The following RUNDC3B variants were observed in gnomAD, a reference collection of about 807,000 sequenced individuals.
RUNDC3B encodes RUN domain-containing protein 3B.
RUNDC3B carries 33 observed loss-of-function variants against 58.4 expected under a neutral mutation model. The observed-to-expected ratio is 0.56, with a 90% CI of 0.43 to 0.75. The LOEUF is 0.75. Ranked by LOEUF, RUNDC3B falls within the 30% of genes least tolerant of loss-of-function variation. RUNDC3B has a pLI of 0.00. For synonymous variants in RUNDC3B, 193 were observed against 195.2 expected (o/e 0.99, Z 0.10); for missense variants, 501 against 535.7 (o/e 0.94, Z 0.64).
rs983896419 is a variant in RUNDC3B, at chr7:87,804,000, C to T, written c.957-3373C>T. On this transcript the variant is annotated intron_variant, in intron 8 of 10. Transcript: ENST00000394654. ...GTGAATAAATATGAAACAAAGCTAC[C>T]GTTCCCAAGTAGCTTATAATCAAAG... Among the ~76,000 whole-genome samples the T allele has an allele frequency of 3.9e-5, 6 of 151,974 alleles. 1 individual carries two copies. Among genetic ancestry groups the T allele is most frequent in the South Asian group, 4.2e-4 (2 of 4,812 alleles).
At chr7:87,825,100 T>C (rs945091961) in intron 10 of RUNDC3B, among the ~76,000 whole-genome samples, 1 of 152,152 alleles carries the variant, frequency 6.6e-6, no homozygotes, top group African/African-American at 2.4e-5. Context: ...CGGGTGCCTG[T>C]AGTCCCAGCC....
At chr7:87,829,203 C>T (rs1363181549) in intron 10 of RUNDC3B, among the ~76,000 whole-genome samples, 1 of 152,108 alleles carries the variant, frequency 6.6e-6, no homozygotes, top group East Asian at 1.9e-4. Flanking sequence ...CTTATAGATT[C>T]TGGATATCAG....
At chr7:87,666,711 A>G (rs1290816848) in intron 2 of RUNDC3B, among the ~76,000 whole-genome samples, 1 of 152,146 alleles carries the variant, frequency 6.6e-6, no homozygotes, top group African/African-American at 2.4e-5. Context: ...ACATATGGCT[A>G]TCCAGTTTTC....
chr7:87,767,320 C>T (rs1299835389), intron 6 of RUNDC3B, among the ~76,000 whole-genome samples: 1 of 152,150 alleles, frequency 6.6e-6, no homozygotes, highest in Non-Finnish European at 1.5e-5. Context: ...TTTTGTGCTG[C>T]CAGAGTTCTT....
Position 87,677,437 on chromosome 7 carries a change from G to A in RUNDC3B, c.239-22984G>A, listed in dbSNP as rs190760965. Among the ~76,000 whole-genome samples the A allele has an allele frequency of 1.4e-3, 205 of 151,768 alleles. 1 individual carries two copies. Among genetic ancestry groups the A allele is most frequent in the Non-Finnish European group, 5.3e-4 (36 of 67,928 alleles). ...CAAGACACAGAAAGACAAATACCACGTGATCTCATGTATTAGATATGGAGC... is the reference window on the plus strand; with the variant it reads ...CAAGACACAGAAAGACAAATACCACATGATCTCATGTATTAGATATGGAGC... On this transcript the variant is annotated intron_variant, in intron 2 of 10. Transcript: ENST00000394654.
intron 6 of RUNDC3B, among the ~76,000 whole-genome samples, chr7:87,758,601 TATGTA>T (rs1314328019): frequency 1.3e-5 from 2 of 152,058 alleles, no homozygotes; most frequent in Non-Finnish European, 2.9e-5. Flanking sequence ...ATAACCAGAA[TATGTA>T]AAGAGTTCAA....
chr7:87,715,479 T>TA (rs1172174423), intron 4 of RUNDC3B, among the ~76,000 whole-genome samples: 4 of 135,188 alleles, frequency 3.0e-5, no homozygotes, highest in African/African-American at 8.3e-5. Flanking sequence ...TATATTAATA[T>TA]ATAAATAATA....
chr7:87,789,462 T>C lies in RUNDC3B; in HGVS notation c.956+11507T>C, dbSNP rs199498227. Among the ~76,000 whole-genome samples, 9 of 152,292 alleles carry C rather than the reference T, an allele frequency of 5.9e-5. 1 individual carries two copies. In the East Asian group the frequency reaches 1.7e-3, roughly 29 times the overall value. Reference sequence around the variant, plus strand: ...ACCATAAGTCAGTGATACTATGCCATTCTGATGCACAAGTTTAAGATGAGT... The same window carrying C: ...ACCATAAGTCAGTGATACTATGCCACTCTGATGCACAAGTTTAAGATGAGT... On this transcript the variant is annotated intron_variant, in intron 8 of 10. Coordinates refer to ENST00000394654, the MANE Select transcript of RUNDC3B (RefSeq NM_001134405.2).
Position 87,700,550 on chromosome 7 carries a change from C to G in RUNDC3B, c.368C>G (p.Ala123Gly). ...ENMENVSSSR[A>G]KGRAWIRVAL... ...ATGGAAAATGTCAGTTCTTCTAGAG[C>G]TAAGGTAAGACATTGGTCAGAGACT... Residue 123 changes from alanine to glycine, a missense_variant, in exon 3 of 11, where the codon GCT (alanine) becomes GGT (glycine). By Grantham distance (60) the Ala-to-Gly change is moderately conservative. Transcript: ENST00000394654. The G allele has an allele frequency of 6.2e-7, 1 of 1,608,382 alleles. No individual in the cohort carries two copies. Among genetic ancestry groups the G allele is most frequent in the Non-Finnish European group, 8.5e-7 (1 of 1,178,412 alleles).
At chr7:87,705,007 T>G (rs916677942) in intron 3 of RUNDC3B, among the ~76,000 whole-genome samples, 1 of 152,224 alleles carries the variant, frequency 6.6e-6, no homozygotes, top group African/African-American at 2.4e-5. Context: ...ATTTGCCTGG[T>G]GAACAGTATA....
chr7:87,722,213 C>T (rs1367595425), intron 4 of RUNDC3B, among the ~76,000 whole-genome samples: 3 of 151,898 alleles, frequency 2.0e-5, no homozygotes, highest in African/African-American at 7.2e-5. Context: ...GTAGTGAGGA[C>T]ATTTAAAATC....
intron 6 of RUNDC3B, among the ~76,000 whole-genome samples, chr7:87,756,172 A>T (rs549075207): frequency 1.3e-5 from 2 of 152,108 alleles, no homozygotes; most frequent in Non-Finnish European, 2.9e-5. Flanking sequence ...TACCAAATTA[A>T]GTATTAAGTC....
intron 7 of RUNDC3B, among the ~76,000 whole-genome samples, chr7:87,775,732 A>G (rs1213820178): frequency 2.0e-5 from 3 of 152,164 alleles, no homozygotes. Context: ...TAGATATATA[A>G]ATACTTGCTA....
intron 10 of RUNDC3B, among the ~76,000 whole-genome samples, chr7:87,818,999 A>T (rs1837243048): frequency 6.6e-6 from 1 of 152,152 alleles, no homozygotes; most frequent in Non-Finnish European, 1.5e-5. Flanking sequence ...AGGGGGAACG[A>T]GCTATGGGGA....
intron 6 of RUNDC3B, among the ~76,000 whole-genome samples, chr7:87,755,644 G>T (rs1833325141): frequency 6.6e-6 from 1 of 152,134 alleles, no homozygotes; most frequent in South Asian, 2.1e-4. Context: ...AATAGACACA[G>T]AAAAAGCTTT....
At chr7:87,759,080 A>T (rs1250286265) in intron 6 of RUNDC3B, among the ~76,000 whole-genome samples, 1 of 152,222 alleles carries the variant, frequency 6.6e-6, no homozygotes, top group East Asian at 1.9e-4. Flanking sequence ...GTGGGATCAT[A>T]CTAAGTATCC....
intron 2 of RUNDC3B, among the ~76,000 whole-genome samples, chr7:87,679,020 A>ACTTG (rs1438914252): frequency 7.3e-6 from 1 of 137,830 alleles, no homozygotes. Flanking sequence ...AGTAAACAGA[A>ACTTG]AATTAGTAAG....
At chr7:87,659,403 C>T (rs1316708790) in intron 2 of RUNDC3B, among the ~76,000 whole-genome samples, 1 of 151,794 alleles carries the variant, frequency 6.6e-6, no homozygotes, top group African/African-American at 2.4e-5. Context: ...TCAGTGGTTG[C>T]AGTATTATAT....
At position 87,628,558 on chromosome 7, in the gene RUNDC3B, C is replaced by T; in HGVS notation, c.-266C>T. The T allele has an allele frequency of 3.1e-6, 1 of 319,566 alleles. No individual in the cohort carries two copies. Among genetic ancestry groups the T allele is most frequent in the Non-Finnish European group, 5.6e-6 (1 of 177,402 alleles). The allele number at this position is 319,566 out of a possible 1,614,324, so 19.8% of individuals were successfully genotyped here. On this transcript the variant is annotated 5_prime_UTR_variant, in exon 1 of 11. Transcript: ENST00000394654. Reference sequence around the variant, plus strand: ...GCGCAGCCCGGCAGTCGGCGGCGCGCCGAGGGCGGAGGTGGTGCGTGCGTG... The same window carrying T: ...GCGCAGCCCGGCAGTCGGCGGCGCGTCGAGGGCGGAGGTGGTGCGTGCGTG...
Sources: gnomAD v4.1 joint callset for allele counts (sites outside exome capture counted in the v4.1 genomes callset) on GRCh38, gnomAD v4.1.1 for gene constraint, MANE v1.5 for transcripts, NCBI Gene and HGNC (gene_info 2026-07-23, HGNC 2026-07-21) for gene names.